The following UNC13B variants were observed in gnomAD, a reference collection of about 807,000 sequenced individuals.
UNC13B encodes protein unc-13 homolog B.
A neutral mutation model predicts 211.0 loss-of-function variants in UNC13B; 144 were observed. That is an observed-to-expected ratio of 0.68 (90% confidence interval 0.60 to 0.78). The LOEUF (loss-of-function observed/expected upper bound fraction) is 0.78. UNC13B is among the 30% of genes least tolerant of loss of function. The pLI is 0.00. For synonymous variants in UNC13B, 709 were observed against 725.8 expected (o/e 0.98, Z 0.37); for missense variants, 1,777 against 2,002.0 (o/e 0.89, Z 2.14).
At chr9:35,245,099 C>T (rs893673236) in intron 6 of UNC13B, among the ~76,000 whole-genome samples, 1 of 152,112 alleles carries the variant, frequency 6.6e-6, no homozygotes, top group African/African-American at 2.4e-5. Context: ...CCAAGCCTGG[C>T]TGTGGAGTGG....
At chr9:35,207,477 T>TA (rs1421737413) in intron 1 of UNC13B, among the ~76,000 whole-genome samples, 17 of 115,904 alleles carry the variant, frequency 1.5e-4, no homozygotes, top group African/African-American at 2.0e-4. Flanking sequence ...AAGAAATTAA[T>TA]TTTTATTTAT....
At chr9:35,218,272 A>G (rs894209306) in intron 1 of UNC13B, among the ~76,000 whole-genome samples, 2 of 152,094 alleles carry the variant, frequency 1.3e-5, no homozygotes, top group Non-Finnish European at 2.9e-5. Flanking sequence ...AAGAAGCAAC[A>G]TAGGATTGTA....
In UNC13B at chr9:35,307,611, C is replaced by T. The variant is rs1386455320; in HGVS notation, c.8207C>T (p.Ala2736Val). Residue 2736 changes from alanine to valine, a missense_variant, in exon 9 of 40, where the codon GCC becomes GTC. By Grantham distance (64) the Ala-to-Val change is moderately conservative. Transcript: ENST00000635942. Reference sequence around the variant, plus strand: ...CTGCTGGAGGACCCTGTGCTTGCTGCCAGAGAAAGTTGTGAGATAATTCAT... The same window carrying T: ...CTGCTGGAGGACCCTGTGCTTGCTGTCAGAGAAAGTTGTGAGATAATTCAT... ...HPLLEDPVLA[A>V]RESCEIIHAQ... 8 of 398,984 alleles carry T rather than the reference C, an allele frequency of 2.0e-5. No homozygotes were observed. Among genetic ancestry groups the T allele is most frequent in the Non-Finnish European group, 3.5e-5 (8 of 226,172 alleles). 24.7% of individuals were successfully genotyped at this position (398,984 alleles called of 1,614,324 possible).
chr9:35,404,064 C>G lies in UNC13B; in HGVS notation c.*31C>G, dbSNP rs200055399. ...TTCGACTCCTGTGCCAATCAGGCAG[C>G]AGCAATTTCACAAATCAGGGCCAGT... On this transcript the variant is annotated 3_prime_UTR_variant, in exon 40 of 40. Transcript: ENST00000635942. 16 of 1,596,424 alleles carry G rather than the reference C, an allele frequency of 1.0e-5. No individual in the cohort carries two copies.
chr9:35,227,342 G>A (rs1002721909), intron 1 of UNC13B, among the ~76,000 whole-genome samples: 1 of 152,076 alleles, frequency 6.6e-6, no homozygotes, highest in Non-Finnish European at 1.5e-5. Flanking sequence ...GTGTTTTAGG[G>A]TTTTCTTCAC....
In UNC13B at chr9:35,307,001, T is replaced by C. The variant is rs1221522000; in HGVS notation, c.7597T>C (p.Trp2533Arg). The change falls in exon 9 of 40, where the codon TGG (tryptophan) becomes CGG (arginine). Residue 2533 changes from tryptophan (W) to arginine (R), a missense_variant. Physicochemically the swap from Trp to Arg is moderately radical, Grantham distance 101. Coordinates refer to ENST00000635942, the MANE Select transcript of UNC13B (RefSeq NM_001371189.2). ...AGAATCATCTCTCCCAGCTACTTCA[T>C]GGCTTCAAAATGGTTGTTCCAGAGA... ...KQESSLPATS[W>R]LQNGCSRDAV... 1 of 398,938 alleles carries C rather than the reference T, an allele frequency of 2.5e-6. No individual in the cohort carries two copies. The highest frequency in any genetic ancestry group is 2.1e-5 in the African/African-American group (1 of 48,636). 24.7% of individuals were successfully genotyped at this position (398,938 alleles called of 1,614,324 possible). A position where few individuals can be genotyped will look rare whatever the true frequency, so the allele number is the denominator to read the frequency against.
intron 11 of UNC13B, among the ~76,000 whole-genome samples, chr9:35,339,906 G>A (rs1052529310): frequency 6.6e-6 from 1 of 152,178 alleles, no homozygotes; most frequent in Non-Finnish European, 1.5e-5. Context: ...CCTACCTCTG[G>A]GGAATCTTTC....
intron 11 of UNC13B, among the ~76,000 whole-genome samples, chr9:35,347,973 C>T (rs886866460): frequency 6.6e-6 from 1 of 152,114 alleles, no homozygotes; most frequent in Non-Finnish European, 1.5e-5. Flanking sequence ...CACGGTGGCT[C>T]ACACCTGTAA....
intron 1 of UNC13B, among the ~76,000 whole-genome samples, chr9:35,170,781 CTT>C (rs1821294387): frequency 2.6e-5 from 4 of 151,702 alleles, no homozygotes. Flanking sequence ...AAGCAAGAGT[CTT>C]TGAGTTTGGG....
At chr9:35,375,523 T>C (rs565364387) in intron 14 of UNC13B, among the ~76,000 whole-genome samples, 26 of 152,302 alleles carry the variant, frequency 1.7e-4, no homozygotes, top group African/African-American at 6.0e-4. Context: ...AGGTCCAACC[T>C]GTGTTGGACA....
chr9:35,246,610 C>T (rs1303792619), intron 6 of UNC13B, among the ~76,000 whole-genome samples: 1 of 152,144 alleles, frequency 6.6e-6, no homozygotes. Context: ...AATAGGGAAT[C>T]CTTTTCCCAT....
chr9:35,295,666 G>C, intron 7 of UNC13B, 30 bp from the exon 8 acceptor site: 2 of 1,592,186 alleles, frequency 1.3e-6, no homozygotes, highest in South Asian at 2.2e-5. Flanking sequence ...TAAAGCTGGG[G>C]TGCTTTGATT....
At chr9:35,199,517 T>G (rs1210269780) in intron 1 of UNC13B, among the ~76,000 whole-genome samples, 1 of 152,160 alleles carries the variant, frequency 6.6e-6, no homozygotes, top group African/African-American at 2.4e-5. Context: ...GTTTCCTGAC[T>G]TTTTAATGAT....
At chr9:35,352,873 C>A in intron 11 of UNC13B, 1 of 1,232,100 alleles carries the variant, frequency 8.1e-7, no homozygotes, top group Non-Finnish European at 1.0e-6. Flanking sequence ...AACAGTACAG[C>A]CAAAAACATG....
chr9:35,403,148 C>G lies in UNC13B; in HGVS notation c.12485-19C>G, dbSNP rs759472866. The G allele has an allele frequency of 6.2e-6, 10 of 1,610,688 alleles. No individual in the cohort carries two copies. ...CTACAGTTCTCCAATGGGGAATCAT[C>G]TCTCCATTTGTCCCTCAGGGTCTGG... On this transcript the variant is annotated intron_variant, in intron 37 of 39. Coordinates refer to ENST00000635942, the MANE Select transcript of UNC13B (RefSeq NM_001371189.2).
Position 35,385,713 on chromosome 9 carries a change from A to T in UNC13B, c.10876-11A>T, listed in dbSNP as rs765072026. ...TCTGTTCCTTTCTTACATTTGCTTG[A>T]TTTGCAACAGAATAATTTCCCTGCT... On this transcript the variant is annotated splice_polypyrimidine_tract_variant and intron_variant, in intron 22 of 39. Coordinates refer to ENST00000635942, the MANE Select transcript of UNC13B (RefSeq NM_001371189.2). The T allele has an allele frequency of 3.1e-6, 5 of 1,592,954 alleles. No homozygotes were observed. The highest frequency in any genetic ancestry group is 1.7e-4 in the Middle Eastern group (1 of 6,016).
At chr9:35,264,415 G>A (rs1056279684) in intron 7 of UNC13B, among the ~76,000 whole-genome samples, 1 of 152,182 alleles carries the variant, frequency 6.6e-6, no homozygotes, top group Non-Finnish European at 1.5e-5. Flanking sequence ...TTTGTAGAAG[G>A]TAGAACCTGA....
In UNC13B at chr9:35,303,741, T is replaced by A. The variant is rs923989387; in HGVS notation, c.4337T>A (p.Val1446Glu). 6 of 398,640 alleles carry A rather than the reference T, an allele frequency of 1.5e-5. No individual in the cohort carries two copies. Among genetic ancestry groups the A allele is most frequent in the African/African-American group, 1.2e-4 (6 of 48,626 alleles). 24.7% of individuals were successfully genotyped at this position (398,640 alleles called of 1,614,324 possible). ...FNEDYLLRGD[V>E]WAANSLYGNS... ...GAAGATTACTTATTAAGAGGTGATG[T>A]GTGGGCAGCTAACTCATTATATGGA... The change falls in exon 9 of 40, where the codon GTG becomes GAG. Residue 1446 changes from valine to glutamate, a missense_variant. Coordinates refer to ENST00000635942, the MANE Select transcript of UNC13B (RefSeq NM_001371189.2).
At chr9:35,254,287 A>T (rs1274995417) in intron 6 of UNC13B, among the ~76,000 whole-genome samples, 1 of 152,208 alleles carries the variant, frequency 6.6e-6, no homozygotes, top group East Asian at 1.9e-4. Flanking sequence ...CTTATTTCTT[A>T]TAGTTCTGGA....
Sources: gnomAD v4.1 joint callset for allele counts (sites outside exome capture counted in the v4.1 genomes callset) on GRCh38, gnomAD v4.1.1 for gene constraint, MANE v1.5 for transcripts, NCBI Gene and HGNC (gene_info 2026-07-23, HGNC 2026-07-21) for gene names.